Variants in ST8SIA4 observed in about 807,000 individuals in gnomAD.
The protein encoded by ST8SIA4 is ST8 alpha-N-acetyl-neuraminide alpha-2,8-sialyltransferase 4.
In ST8SIA4, 15 loss-of-function variants were observed where a neutral mutation model predicts 33.9. The ratio of observed to expected loss-of-function variants is 0.44; its 90% CI spans 0.30 to 0.68. The LOEUF is 0.68. ST8SIA4 is among the 30% of genes least tolerant of loss of function. ST8SIA4 has a pLI of 0.10. For synonymous variants in ST8SIA4, 171 were observed against 151.2 expected (o/e 1.13, Z -0.96); for missense variants, 321 against 428.0 (o/e 0.75, Z 2.21).
Position 100,810,940 on chromosome 5 carries a change from G to A in ST8SIA4, c.*907C>T, listed in dbSNP as rs937177499. ...CGCCTGTAATCCCAGCACTTTGGGA[G>A]GCCAAGGCGGGTGGATCACGAGGTC... is the stretch of plus-strand genomic sequence containing the variant. On this transcript the variant is annotated 3_prime_UTR_variant, in exon 5 of 5. Coordinates refer to ENST00000231461, the MANE Select transcript of ST8SIA4 (RefSeq NM_005668.6). The A allele has an allele frequency of 2.0e-5, 3 of 152,356 alleles. No individual in the cohort carries two copies. The highest frequency in any genetic ancestry group is 7.2e-5 in the African/African-American group (3 of 41,438). The allele number at this position is 152,356 out of a possible 1,614,324, so 9.4% of individuals were successfully genotyped here. A position where few individuals can be genotyped will look rare whatever the true frequency, so the allele number is the denominator to read the frequency against.
At chr5:100,890,009 T>G (rs1043426850) in intron 2 of ST8SIA4, among the ~76,000 whole-genome samples, 2 of 151,850 alleles carry the variant, frequency 1.3e-5, no homozygotes, top group Non-Finnish European at 2.9e-5. Context: ...ACTCTGGGTT[T>G]GTTTGTTTGT....
intron 4 of ST8SIA4, among the ~76,000 whole-genome samples, chr5:100,827,193 GTGTTGAAGAGAATAAGTTCAA>G (rs1240392714): frequency 6.6e-6 from 1 of 152,146 alleles, no homozygotes; most frequent in Non-Finnish European, 1.5e-5. Context: ...ATTTGTCAGA[GTGTTGAAGAGAATAAGTTCAA>G]TATCAAGAAA....
chr5:100,870,223 C>T (rs1752168920), intron 3 of ST8SIA4, among the ~76,000 whole-genome samples: 1 of 152,184 alleles, frequency 6.6e-6, no homozygotes, highest in Admixed American at 6.5e-5. Context: ...ATATATGCCA[C>T]ATTTTCTTAA....
At chr5:100,899,039 TCAC>T (rs1176094615) in intron 1 of ST8SIA4, among the ~76,000 whole-genome samples, 2 of 152,222 alleles carry the variant, frequency 1.3e-5, no homozygotes, top group African/African-American at 4.8e-5. Context: ...TTTCCAGGCT[TCAC>T]CACAATTTAC....
At chr5:100,895,138 G>C (rs368439163) in intron 2 of ST8SIA4, among the ~76,000 whole-genome samples, 1 of 152,068 alleles carries the variant, frequency 6.6e-6, no homozygotes, top group African/African-American at 2.4e-5. Context: ...TTACAAAGAA[G>C]AAGTCAGTAA....
chr5:100,883,109 G>A lies in ST8SIA4; in HGVS notation c.503+3234C>T, dbSNP rs998928916. Among the ~76,000 whole-genome samples, 7 of 152,254 alleles carry A rather than the reference G, an allele frequency of 4.6e-5. No homozygotes were observed. The South Asian group carries it at 1.0e-3, about 23-fold the overall frequency. Reference sequence around the variant, plus strand: ...CTTGCACCGTTTGCCTGGAAAAGCCGCACTCAATGCTAGTGCGTGAAAGAA... The same window carrying A: ...CTTGCACCGTTTGCCTGGAAAAGCCACACTCAATGCTAGTGCGTGAAAGAA... On this transcript the variant is annotated intron_variant, in intron 3 of 4. Transcript: ENST00000231461.
intron 4 of ST8SIA4, among the ~76,000 whole-genome samples, chr5:100,841,674 C>T (rs534385220): frequency 8.6e-5 from 13 of 151,860 alleles, no homozygotes; most frequent in Non-Finnish European, 7.4e-5. Context: ...ATTATTTGTT[C>T]AAGACACCAA....
At chr5:100,844,535 T>A (rs1212566787) in intron 4 of ST8SIA4, among the ~76,000 whole-genome samples, 1 of 152,010 alleles carries the variant, frequency 6.6e-6, no homozygotes, top group South Asian at 2.1e-4. Context: ...CTGCACTGGA[T>A]ACTGGTCTTC....
intron 4 of ST8SIA4, among the ~76,000 whole-genome samples, chr5:100,850,448 T>C (rs559292218): frequency 6.8e-6 from 1 of 146,704 alleles, no homozygotes; most frequent in African/African-American, 2.5e-5. Context: ...AAGTAAAAAT[T>C]AAAAAAAAAA....
At chr5:100,854,633 ATTT>A (rs1448183384) in intron 4 of ST8SIA4, among the ~76,000 whole-genome samples, 2 of 152,138 alleles carry the variant, frequency 1.3e-5, no homozygotes. Context: ...AAAGAATGTA[ATTT>A]AATTGTGTGC....
rs1346373579 is a variant in ST8SIA4, at chr5:100,903,186, CT to C, written c.-232del. On this transcript the variant is annotated 5_prime_UTR_variant, in exon 1 of 5. It removes the in-frame stop codon of an upstream open reading frame in the 5' UTR. Coordinates refer to ENST00000231461, the MANE Select transcript of ST8SIA4 (RefSeq NM_005668.6). ...GTTTGCGCCAGCTCTGCCAGGGTCG[CT>C]CCGCGCCGCCTCCCTGGGGCTCAGG... 2.2e-5 allele frequency: 12 copies of C among 546,402 alleles called. No homozygotes were observed. The highest frequency in any genetic ancestry group is 3.6e-5 in the Non-Finnish European group (11 of 308,334). 33.8% of individuals were successfully genotyped at this position (546,402 alleles called of 1,614,324 possible).
intron 3 of ST8SIA4, among the ~76,000 whole-genome samples, chr5:100,870,115 C>G (rs569557909): frequency 6.6e-6 from 1 of 152,048 alleles, no homozygotes; most frequent in Non-Finnish European, 1.5e-5. Flanking sequence ...TCTGTCCTTG[C>G]GATAGTTTAC....
At chr5:100,826,613 C>A (rs2548257) in intron 4 of ST8SIA4, among the ~76,000 whole-genome samples, 93,439 of 151,884 alleles carry the variant, frequency 0.62, 29,193 homozygotes, top group South Asian at 0.74. Flanking sequence ...TATACGTGAA[C>A]AAACTGGAAA....
intron 3 of ST8SIA4, among the ~76,000 whole-genome samples, chr5:100,861,183 C>T (rs1453430769): frequency 6.7e-6 from 1 of 149,110 alleles, no homozygotes; most frequent in Non-Finnish European, 1.5e-5. Flanking sequence ...ACAAAATACA[C>T]ACATACACAC....
At chr5:100,817,036 G>C (rs1368477436) in intron 4 of ST8SIA4, among the ~76,000 whole-genome samples, 1 of 149,678 alleles carries the variant, frequency 6.7e-6, no homozygotes, top group Non-Finnish European at 1.5e-5. Flanking sequence ...TCTGCCTCCC[G>C]GGTTGAAACT....
chr5:100,864,598 A>G (rs1297806171), intron 3 of ST8SIA4, among the ~76,000 whole-genome samples: 1 of 149,394 alleles, frequency 6.7e-6, no homozygotes, highest in African/African-American at 2.5e-5. Context: ...AAAAAAAAAA[A>G]AAAAAGCCAA....
intron 2 of ST8SIA4, among the ~76,000 whole-genome samples, chr5:100,887,259 T>C (rs1752559167): frequency 6.6e-6 from 1 of 151,974 alleles, no homozygotes; most frequent in South Asian, 2.1e-4. Flanking sequence ...GTGGCAGAGG[T>C]AGCTAATTGT....
chr5:100,865,885 A>G lies in ST8SIA4; in HGVS notation c.504-9489T>C, dbSNP rs72778625. ...TTTTTATAATTTAAATGGTCTTACAATCTTTAGTCTCATACTCCTCCAATC... is the reference window on the plus strand; with the variant it reads ...TTTTTATAATTTAAATGGTCTTACAGTCTTTAGTCTCATACTCCTCCAATC... On this transcript the variant is annotated intron_variant, in intron 3 of 4. Transcript: ENST00000231461. Among the ~76,000 whole-genome samples the G allele has an allele frequency of 6.6e-3, 1,006 of 152,238 alleles. 9 individuals carry two copies. The highest frequency in any genetic ancestry group is 0.014 in the Middle Eastern group (4 of 292).
At chr5:100,820,836 C>A (rs1751018258) in intron 4 of ST8SIA4, among the ~76,000 whole-genome samples, 1 of 152,024 alleles carries the variant, frequency 6.6e-6, no homozygotes, top group Admixed American at 6.6e-5. Context: ...AGTAAAATAT[C>A]TTTTGGGAGT....
Sources: gnomAD v4.1 joint callset for allele counts (sites outside exome capture counted in the v4.1 genomes callset) on GRCh38, gnomAD v4.1.1 for gene constraint, MANE v1.5 for transcripts, NCBI Gene and HGNC (gene_info 2026-07-23, HGNC 2026-07-21) for gene names.